The following ATAD5 variants were observed in gnomAD, a reference collection of about 807,000 sequenced individuals.
The protein encoded by ATAD5 is ATPase family AAA domain-containing protein 5.
In ATAD5, 58 loss-of-function variants were observed where a neutral mutation model predicts 176.9. The ratio of observed to expected loss-of-function variants is 0.33; its 90% CI spans 0.27 to 0.41. ATAD5 has a LOEUF of 0.41. Ranked by LOEUF, ATAD5 falls within the 10% of genes least tolerant of loss-of-function variation. ATAD5 has a pLI of 1.00. For synonymous variants in ATAD5, 640 were observed against 712.6 expected, an observed-to-expected ratio of 0.90 and a Z score of 1.62; for missense variants, 1,789 against 2,094.1, an observed-to-expected ratio of 0.85 and a Z score of 2.84.
chr17:30,871,995 C>T (rs1908365607), intron 14 of ATAD5, among the ~76,000 whole-genome samples: 1 of 152,114 alleles, frequency 6.6e-6, no homozygotes, highest in Non-Finnish European at 1.5e-5. Context: ...GATTATGGTT[C>T]CCTGCCACCT....
At chr17:30,890,020 A>G (rs1369796918) in intron 19 of ATAD5, among the ~76,000 whole-genome samples, 1 of 150,616 alleles carries the variant, frequency 6.6e-6, no homozygotes, top group African/African-American at 2.4e-5. Flanking sequence ...CCTCCTGAGT[A>G]GCTGGAACCA....
At chr17:30,850,831 T>TTATA (rs1906846952) in intron 6 of ATAD5, among the ~76,000 whole-genome samples, 1 of 62,586 alleles carries the variant, frequency 1.6e-5, no homozygotes, top group Non-Finnish European at 2.8e-5. Context: ...ATTTATATAT[T>TTATA]TTTATATATA....
intron 19 of ATAD5, among the ~76,000 whole-genome samples, chr17:30,891,995 C>T (rs928071934): frequency 2.0e-5 from 3 of 152,016 alleles, no homozygotes; most frequent in Non-Finnish European, 4.4e-5. Flanking sequence ...GCGTGAGCCA[C>T]CTCACCTGGC....
chr17:30,834,623 C>A lies in ATAD5; in HGVS notation c.542C>A (p.Thr181Asn). 6.2e-7 allele frequency: 1 copy of A among 1,611,496 alleles called. No homozygotes were observed. Among genetic ancestry groups the A allele is most frequent in the Non-Finnish European group, 8.5e-7 (1 of 1,179,412 alleles). ...NIQDTKSQPN[T>N]MTSLQNSKKV... ...CAAGATACAAAAAGTCAACCAAATA[C>A]TATGACCTCCCTGCAAAATTCTAAA... Residue 181 changes from threonine to asparagine, a missense_variant, in exon 2 of 23, where the codon ACT (threonine) becomes AAT (asparagine). Physicochemically the swap from Thr to Asn is moderately conservative, Grantham distance 65. Transcript: ENST00000321990.
intron 10 of ATAD5, 72 bp downstream of exon 10, chr17:30,860,684 G>C (rs1907577300): frequency 8.0e-6 from 10 of 1,252,544 alleles, no homozygotes; most frequent in Middle Eastern, 5.8e-4. Flanking sequence ...CAAAGCAGTA[G>C]AAGATTTTGA....
intron 6 of ATAD5, among the ~76,000 whole-genome samples, chr17:30,850,833 T>TATATATATA (rs1906849991): frequency 0.016 from 442 of 27,760 alleles, 31 homozygotes; most frequent in Non-Finnish European, 0.02. Flanking sequence ...TTATATATTT[T>TATATATATA]TATATATATA....
chr17:30,843,343 C>A (rs995065207), intron 4 of ATAD5, among the ~76,000 whole-genome samples: 2 of 151,142 alleles, frequency 1.3e-5, no homozygotes, highest in African/African-American at 2.4e-5. Context: ...CAGAGTGAGA[C>A]CCTGTCACAA....
intron 11 of ATAD5, among the ~76,000 whole-genome samples, chr17:30,866,224 G>T (rs1907970494): frequency 9.3e-6 from 1 of 107,600 alleles, no homozygotes; most frequent in Admixed American, 1.3e-4. Flanking sequence ...TCAAGACAGA[G>T]TCTCACTCTG....
At position 30,835,539 on chromosome 17, in the gene ATAD5, A is replaced by G. The variant is rs374518062; in HGVS notation, c.1458A>G (p.Leu486=). The change falls in exon 2 of 23, where the codon TTA becomes TTG. Residue 486 remains leucine, a synonymous_variant. Transcript: ENST00000321990. Reference sequence around the variant, plus strand: ...TAAAGAAGAAGAATAAGAAAACATTAGATACTGGGGCTATTCCAGGCAAAA... The same window carrying G: ...TAAAGAAGAAGAATAAGAAAACATTGGATACTGGGGCTATTCCAGGCAAAA... ...KKLKKKNKKT[L]DTGAIPGKNR... is the part of the protein sequence containing the mutation. 1 of 1,609,338 alleles carries G rather than the reference A, an allele frequency of 6.2e-7. No individual in the cohort carries two copies. The highest frequency in any genetic ancestry group is 8.5e-7 in the Non-Finnish European group (1 of 1,178,784).
At position 30,832,337 on chromosome 17, in the gene ATAD5, A is replaced by G; in HGVS notation, c.-11A>G. 6.5e-7 allele frequency: 1 copy of G among 1,543,706 alleles called. No individual in the cohort carries two copies. Among genetic ancestry groups the G allele is most frequent in the Admixed American group, 1.9e-5 (1 of 52,714 alleles). ...AGGTCCTAGGAGACGGGATTCCGGG[A>G]AGCGGGGAGTATGGTGGGGGTCCTG... On this transcript the variant is annotated 5_prime_UTR_variant, in exon 1 of 23. Coordinates refer to ENST00000321990, the MANE Select transcript of ATAD5 (RefSeq NM_024857.5).
intron 21 of ATAD5, 111 bp from the exon 22 acceptor site, chr17:30,894,453 G>C (rs896147129): frequency 9.4e-7 from 1 of 1,058,264 alleles, no homozygotes; most frequent in African/African-American, 1.6e-5. Context: ...AAATTAATCT[G>C]GAAATGTCAT....
intron 14 of ATAD5, among the ~76,000 whole-genome samples, chr17:30,875,388 C>T (rs527960764): frequency 2.0e-5 from 3 of 152,224 alleles, no homozygotes; most frequent in African/African-American, 7.2e-5. Flanking sequence ...AGTTGAACAA[C>T]AAAGTTCTGT....
At chr17:30,860,407 A>G (rs1196987718) in intron 9 of ATAD5, 26 bp from the exon 10 acceptor site, 1 of 1,576,032 alleles carries the variant, frequency 6.3e-7, no homozygotes, top group Non-Finnish European at 8.5e-7. Flanking sequence ...TAGTAAGCAC[A>G]TGCACTTCTT....
chr17:30,858,281 A>C lies in ATAD5; in HGVS notation c.2914A>C (p.Ile972Leu). The change falls in exon 9 of 23, where the codon ATT (isoleucine) becomes CTT (leucine). Residue 972 changes from isoleucine (I) to leucine (L), a missense_variant. This residue lies in a region of ATAD5 where 487 missense variants were observed against 573.6 expected (regional missense o/e 0.85). Transcript: ENST00000321990. Reference protein sequence around the residue: ...KYFPLLLKKQIEHQVLSSECH... With the variant: ...KYFPLLLKKQLEHQVLSSECH... ...TTTTCCCTTACTCCTAAAAAAACAA[A>C]TTGAGCACCAAGTACTTTCTTCCGA... 6.3e-7 allele frequency: 1 copy of C among 1,583,616 alleles called. No homozygotes were observed.
rs779371548 is a variant in ATAD5 at position 30,860,456 on chromosome 17, A to G, written c.2980A>G (p.Lys994Glu). 2 of 1,594,720 alleles carry G rather than the reference A, an allele frequency of 1.3e-6. No homozygotes were observed. The highest frequency in any genetic ancestry group is 2.2e-5 in the East Asian group (1 of 44,732). The change falls in exon 10 of 23, where the codon AAA becomes GAA. Residue 994 changes from lysine (K) to glutamate (E), a missense_variant. By Grantham distance (56) the Lys-to-Glu change is moderately conservative. Transcript: ENST00000321990. ...KQELEADVSH[K>E]ETKRKLVEAE... is the part of the protein sequence containing the mutation. ...AGAACTGGAGGCTGATGTCAGCCAT[A>G]AAGAAACCAAAAGGAAACTCGTAGA...
chr17:30,888,776 A>C (rs1421441468), intron 19 of ATAD5, among the ~76,000 whole-genome samples: 1 of 152,094 alleles, frequency 6.6e-6, no homozygotes, highest in Admixed American at 6.6e-5. Context: ...ATTTTAAAAA[A>C]ACACACACAG....
intron 6 of ATAD5, among the ~76,000 whole-genome samples, chr17:30,853,315 AT>A (rs1182672142): frequency 3.9e-4 from 59 of 152,062 alleles, no homozygotes; most frequent in Non-Finnish European, 6.5e-4. Context: ...TATGCATGTA[AT>A]ATATATGTAA....
chr17:30,850,856 TATATATATATATA>T (rs1297220784), intron 6 of ATAD5, among the ~76,000 whole-genome samples: 7 of 38,734 alleles, frequency 1.8e-4, no homozygotes, highest in African/African-American at 4.1e-4. Flanking sequence ...TATATATATA[TATATATATATATA>T]TTTTTTTTTT....
chr17:30,871,900 G>A (rs1479323274), intron 14 of ATAD5, among the ~76,000 whole-genome samples: 1 of 152,010 alleles, frequency 6.6e-6, no homozygotes, highest in Non-Finnish European at 1.5e-5. Context: ...TAAGTTAGTT[G>A]GGAAAAGTTT....
Sources: gnomAD v4.1 joint callset for allele counts (sites outside exome capture counted in the v4.1 genomes callset) on GRCh38, gnomAD v4.1.1 for gene constraint, gnomAD v4.1.1 regional missense constraint, MANE v1.5 for transcripts, NCBI Gene and HGNC (gene_info 2026-07-23, HGNC 2026-07-21) for gene names.